Variants in SMG6 observed in about 807,000 individuals in gnomAD.
SMG6 encodes the protein SMG6 nonsense mediated mRNA decay factor.
Under a neutral mutation model 142.2 loss-of-function variants are expected in SMG6, and 66 were observed. The ratio of observed to expected loss-of-function variants is 0.46; its 90% CI spans 0.38 to 0.57. SMG6 has a LOEUF of 0.57. Ranked by LOEUF, SMG6 falls within the 20% of genes least tolerant of loss-of-function variation. The pLI, the probability that SMG6 is intolerant of heterozygous loss-of-function variation, is 0.00. For synonymous variants in SMG6, 779 were observed against 702.4 expected (o/e 1.11, Z -1.72); for missense variants, 1,793 against 1,832.0 (o/e 0.98, Z 0.39).
At chr17:2,209,085 G>A (rs890153161) in intron 10 of SMG6, among the ~76,000 whole-genome samples, 2 of 152,078 alleles carry the variant, frequency 1.3e-5, no homozygotes, top group African/African-American at 4.8e-5. Context: ...GATGGGTTAA[G>A]CCCAGGAGGA....
intron 1 of SMG6, among the ~76,000 whole-genome samples, chr17:2,302,294 A>G (rs1396731297): frequency 6.6e-6 from 1 of 152,110 alleles, no homozygotes; most frequent in Non-Finnish European, 1.5e-5. Flanking sequence ...CTGTAATCCC[A>G]GCACTTTGGG....
chr17:2,123,232 G>A (rs1054834899), intron 13 of SMG6, among the ~76,000 whole-genome samples: 4 of 152,310 alleles, frequency 2.6e-5, no homozygotes, highest in South Asian at 2.1e-4. Context: ...AGGCTTGGTC[G>A]CCACCTCGGT....
intron 18 of SMG6, 66 bp from the exon 19 acceptor site, chr17:2,061,688 C>T (rs2067784692): frequency 1.3e-6 from 2 of 1,518,898 alleles, no homozygotes; most frequent in South Asian, 1.2e-5. Flanking sequence ...CTGCTCTTCT[C>T]ACCCTGGAGA....
At chr17:2,183,745 GACACACACACACACACACACACAC>G (rs56210030) in intron 12 of SMG6, among the ~76,000 whole-genome samples, 12 of 146,448 alleles carry the variant, frequency 8.2e-5, no homozygotes, top group East Asian at 8.0e-4. Flanking sequence ...AGGTGCGTGC[GACACACACACACACACACACACAC>G]ACACACACAC....
chr17:2,129,704 G>C (rs2070036867), intron 13 of SMG6, among the ~76,000 whole-genome samples: 1 of 137,590 alleles, frequency 7.3e-6, no homozygotes, highest in Non-Finnish European at 1.5e-5. Flanking sequence ...TGAGACAGGA[G>C]AATCGCTTGA....
intron 13 of SMG6, among the ~76,000 whole-genome samples, chr17:2,115,059 A>G (rs1048544840): frequency 6.6e-6 from 1 of 152,054 alleles, no homozygotes; most frequent in Non-Finnish European, 1.5e-5. Flanking sequence ...TGGGAAACAC[A>G]GCAGGTATTT....
intron 13 of SMG6, among the ~76,000 whole-genome samples, chr17:2,162,251 G>A (rs1445339617): frequency 6.6e-6 from 1 of 152,060 alleles, no homozygotes; most frequent in Admixed American, 6.6e-5. Context: ...GGTGGCTCAC[G>A]CCTGTAATCC....
chr17:2,299,992 T>C lies in SMG6; in HGVS notation c.761A>G (p.Tyr254Cys). The change falls in exon 2 of 19, where the codon TAC (tyrosine) becomes TGC (cysteine). Residue 254 changes from tyrosine (Y) to cysteine (C), a missense_variant. By Grantham distance (194) the Tyr-to-Cys change is radical. Transcript: ENST00000263073. The surrounding 1 kb of genome is among the most constrained non-coding windows in gnomAD (Gnocchi z 4.3). ...YSRSDKRRNR[Y>C]RTRSTSSAGS... ...AGCTGAGCTGGTGCTGCGCGTGCGG[T>C]AGCGATTCCTTCGTTTGTCTGAGCG... The C allele has an allele frequency of 1.2e-6, 2 of 1,614,100 alleles. No individual in the cohort carries two copies. The highest frequency in any genetic ancestry group is 1.7e-6 in the Non-Finnish European group (2 of 1,180,016).
rs57062488 is a variant in SMG6 at position 2,242,356 on chromosome 17, C to CA, written c.2723+2301dup. On this transcript the variant is annotated intron_variant, in intron 9 of 18. Transcript: ENST00000263073. ...TAAAACCCCATCTCTACTGAAGATA[C>CA]AAAAAAAAAAAAAAAAAAAAAAAAT... is the stretch of plus-strand genomic sequence containing the variant. 2.0e-3 allele frequency among the ~76,000 whole-genome samples: 150 copies of CA among 73,482 alleles called. 3 individuals carry two copies. Among genetic ancestry groups the CA allele is most frequent in the Middle Eastern group, 0.019 (2 of 108 alleles). The allele number at this position is 73,482 out of a possible 152,430, so 48.2% of individuals were successfully genotyped here.
chr17:2,130,282 A>AAAAAAAAAAAAAAAAAAAAAAC (rs2070074506), intron 13 of SMG6, among the ~76,000 whole-genome samples: 1 of 143,946 alleles, frequency 6.9e-6, no homozygotes, highest in Admixed American at 7.1e-5. Flanking sequence ...AAAAAAAAAA[A>AAAAAAAAAAAAAAAAAAAAAAC]AAGAAACAGC....
chr17:2,061,635 G>C lies in SMG6; in HGVS notation c.4130-13C>G, dbSNP rs1490158055. The C allele has an allele frequency of 3.6e-5, 57 of 1,566,040 alleles. No individual in the cohort carries two copies. Among genetic ancestry groups the C allele is most frequent in the Non-Finnish European group, 4.8e-5 (56 of 1,155,424 alleles). On this transcript the variant is annotated splice_polypyrimidine_tract_variant and intron_variant, in intron 18 of 18. Transcript: ENST00000263073. ...CGGATTGGCTCCTCTGTGGGCATGA[G>C]AGAGCAGAAGGCTGTCACTGAGGAC...
In SMG6 at chr17:2,060,830, C is replaced by T. The variant is rs2067752713; in HGVS notation, c.*662G>A. The T allele has an allele frequency of 6.5e-6, 1 of 152,858 alleles. No homozygotes were observed. The highest frequency in any genetic ancestry group is 1.5e-5 in the Non-Finnish European group (1 of 68,634). 9.5% of individuals were successfully genotyped at this position (152,858 alleles called of 1,614,324 possible). On this transcript the variant is annotated 3_prime_UTR_variant, in exon 19 of 19. Transcript: ENST00000263073. ...GACGCAACTGGCGAAGTGTGAGGGACCCAGGTTGATAAGGGCAGGAAGAGG... is the reference window on the plus strand; with the variant it reads ...GACGCAACTGGCGAAGTGTGAGGGATCCAGGTTGATAAGGGCAGGAAGAGG...
chr17:2,133,317 G>A (rs1013338419), intron 13 of SMG6, among the ~76,000 whole-genome samples: 2 of 152,270 alleles, frequency 1.3e-5, no homozygotes, highest in African/African-American at 4.8e-5. Context: ...TCAGTAAACT[G>A]TAGCTTTTAC....
intron 12 of SMG6, among the ~76,000 whole-genome samples, chr17:2,185,467 A>G (rs2071949286): frequency 6.6e-6 from 1 of 152,158 alleles, no homozygotes; most frequent in Non-Finnish European, 1.5e-5. Context: ...AATAGTTAAG[A>G]TGGCAAATGT....
chr17:2,203,938 T>G (rs1300317993), intron 10 of SMG6, among the ~76,000 whole-genome samples: 1 of 152,136 alleles, frequency 6.6e-6, no homozygotes, highest in Non-Finnish European at 1.5e-5. Context: ...ACAAATTAAC[T>G]CAATTTCTTT....
At chr17:2,139,423 T>C (rs1182124373) in intron 13 of SMG6, among the ~76,000 whole-genome samples, 1 of 134,804 alleles carries the variant, frequency 7.4e-6, no homozygotes, top group Non-Finnish European at 1.6e-5. Context: ...GCCTGCTTTT[T>C]TCTTTTTTTT....
At chr17:2,111,710 G>A (rs2069325798) in intron 13 of SMG6, among the ~76,000 whole-genome samples, 1 of 152,140 alleles carries the variant, frequency 6.6e-6, no homozygotes, top group South Asian at 2.1e-4. Context: ...GGCCCGAAAG[G>A]TCCTTAGAGC....
At chr17:2,286,227 T>C (rs545022801) in intron 6 of SMG6, among the ~76,000 whole-genome samples, 1 of 149,846 alleles carries the variant, frequency 6.7e-6, no homozygotes, top group Non-Finnish European at 1.5e-5. Context: ...AGTGCAACCT[T>C]ATCAAAATTC....
At chr17:2,275,486 T>A (rs1003642640) in intron 8 of SMG6, among the ~76,000 whole-genome samples, 1 of 152,166 alleles carries the variant, frequency 6.6e-6, no homozygotes, top group South Asian at 2.1e-4. Context: ...CAATCCTATA[T>A]GCTTTCTTCC....
Sources: gnomAD v4.1 joint callset for allele counts (sites outside exome capture counted in the v4.1 genomes callset) on GRCh38, gnomAD v4.1.1 for gene constraint, Gnocchi (gnomAD v3.1) non-coding constraint, MANE v1.5 for transcripts, NCBI Gene and HGNC (gene_info 2026-07-23, HGNC 2026-07-21) for gene names.